Variants in SH3GL3 observed in about 807,000 individuals in gnomAD.
SH3GL3 encodes SH3 domain containing GRB2 like 3, endophilin A3, also known as endophilin-A3.
Under a neutral mutation model 47.7 loss-of-function variants are expected in SH3GL3, and 33 were observed. That is an observed-to-expected ratio of 0.69 (90% CI 0.52 to 0.92). The LOEUF is 0.92. Ranked by LOEUF, SH3GL3 falls within the 40% of genes least tolerant of loss-of-function variation. The pLI, the probability that SH3GL3 is intolerant of heterozygous loss-of-function variation, is 0.00. For missense variants in SH3GL3, 363 were observed against 417.8 expected, an observed-to-expected ratio of 0.87 and a Z score of 1.14; for synonymous variants, 155 against 148.8, an observed-to-expected ratio of 1.04 and a Z score of -0.30.
chr15:83,523,458 C>T (rs1220626979), intron 1 of SH3GL3, among the ~76,000 whole-genome samples: 4 of 152,196 alleles, frequency 2.6e-5, no homozygotes, highest in African/African-American at 9.7e-5. Flanking sequence ...TCCCAGGAAG[C>T]TTCCCAAGAC....
chr15:83,492,314 G>A (rs1236949685), intron 1 of SH3GL3, among the ~76,000 whole-genome samples: 1 of 148,104 alleles, frequency 6.8e-6, no homozygotes, highest in Non-Finnish European at 1.5e-5. Flanking sequence ...GGAAGGTATG[G>A]ACGATAAGGG....
At chr15:83,580,172 C>T (rs2059794675) in intron 6 of SH3GL3, among the ~76,000 whole-genome samples, 1 of 152,202 alleles carries the variant, frequency 6.6e-6, no homozygotes. Flanking sequence ...ACCTTGGTCA[C>T]TCAACCTCTT....
chr15:83,447,773 A>T lies in SH3GL3; in HGVS notation c.45+195A>T, dbSNP rs2039513565. Among the ~76,000 whole-genome samples, 1 of 151,900 alleles carries T rather than the reference A, an allele frequency of 6.6e-6. No homozygotes were observed. The highest frequency in any genetic ancestry group is 2.4e-5 in the African/African-American group (1 of 41,356). ...GGCGTCTTGGCGCCTTCTCCTTCCC[A>T]TTCCCTGGCCCCCGGCTCTGCCCTG... On this transcript the variant is annotated intron_variant, in intron 1 of 8. Coordinates refer to ENST00000427482, the MANE Select transcript of SH3GL3 (RefSeq NM_003027.5). The surrounding 1 kb of genome is among the most constrained non-coding windows in gnomAD (Gnocchi z 5.1).
the SH3GL3 span, among the ~76,000 whole-genome samples, chr15:83,625,395 T>A: frequency 6.6e-6 from 1 of 152,236 alleles, no homozygotes. Context: ...CTGTCCTGCA[T>A]GTAACTTCTA....
At chr15:83,478,425 C>G (rs1326197080) in intron 1 of SH3GL3, among the ~76,000 whole-genome samples, 1 of 152,180 alleles carries the variant, frequency 6.6e-6, no homozygotes, top group Non-Finnish European at 1.5e-5. Flanking sequence ...GGGGAAATGT[C>G]TTTCAGTGCT....
intron 3 of SH3GL3, 65 bp from the exon 4 acceptor site, chr15:83,568,464 A>G (rs988937693): frequency 2.1e-6 from 3 of 1,408,670 alleles, no homozygotes; most frequent in East Asian, 2.3e-5. Flanking sequence ...TGCGTTTATT[A>G]AATTCTATGT....
chr15:83,625,135 T>G, the SH3GL3 span, among the ~76,000 whole-genome samples: 1 of 152,198 alleles, frequency 6.6e-6, no homozygotes, highest in Non-Finnish European at 1.5e-5. Context: ...GGCACACGCC[T>G]GTACTCCCAG....
intron 5 of SH3GL3, among the ~76,000 whole-genome samples, chr15:83,573,053 G>A (rs2059581344): frequency 1.3e-5 from 2 of 152,146 alleles, no homozygotes; most frequent in Admixed American, 6.5e-5. Flanking sequence ...GTTTTGATGC[G>A]TTGCCCTGGT....
chr15:83,450,984 T>G (rs2039746931), intron 1 of SH3GL3, among the ~76,000 whole-genome samples: 2 of 121,538 alleles, frequency 1.6e-5, no homozygotes, highest in Non-Finnish European at 3.3e-5. Context: ...GTCTCCAGAG[T>G]GTGTTATTCC....
At chr15:83,585,708 G>C (rs986157909) in intron 6 of SH3GL3, among the ~76,000 whole-genome samples, 2 of 152,164 alleles carry the variant, frequency 1.3e-5, no homozygotes, top group African/African-American at 4.8e-5. Context: ...GAAATTTAAG[G>C]CTAGGCTTGT....
At chr15:83,549,385 G>A (rs1045374430) in intron 1 of SH3GL3, among the ~76,000 whole-genome samples, 22 of 152,126 alleles carry the variant, frequency 1.4e-4, no homozygotes, top group African/African-American at 4.6e-4. Context: ...TTATTCTGGC[G>A]GATAATGAGG....
chr15:83,597,320 G>A (rs1255992878), intron 8 of SH3GL3, among the ~76,000 whole-genome samples: 1 of 152,076 alleles, frequency 6.6e-6, no homozygotes, highest in East Asian at 1.9e-4. Flanking sequence ...AAGGACCCTT[G>A]TGATTATACT....
At chr15:83,588,503 C>G (rs545434802) in intron 7 of SH3GL3, among the ~76,000 whole-genome samples, 159 bp from the exon 8 acceptor site, 5 of 152,346 alleles carry the variant, frequency 3.3e-5, no homozygotes, top group African/African-American at 1.2e-4. Flanking sequence ...GATATCACCT[C>G]CATCACTTCG....
At chr15:83,560,029 C>T (rs2045182781) in intron 2 of SH3GL3, among the ~76,000 whole-genome samples, 1 of 152,156 alleles carries the variant, frequency 6.6e-6, no homozygotes, top group Non-Finnish European at 1.5e-5. Context: ...CAGGTGGAGG[C>T]AGAACTAGAA....
chr15:83,615,931 A>G (rs2060800215), intron 8 of SH3GL3, among the ~76,000 whole-genome samples: 1 of 152,216 alleles, frequency 6.6e-6, no homozygotes, highest in Non-Finnish European at 1.5e-5. Context: ...GTCTTTATAT[A>G]GGACTGTGGA....
chr15:83,578,435 T>C (rs1393204562), intron 6 of SH3GL3, among the ~76,000 whole-genome samples: 1 of 152,218 alleles, frequency 6.6e-6, no homozygotes, highest in African/African-American at 2.4e-5. Flanking sequence ...TATAACAGTT[T>C]ATTTAAAGGT....
chr15:83,517,621 T>C (rs1404866665), intron 1 of SH3GL3, among the ~76,000 whole-genome samples: 3 of 152,318 alleles, frequency 2.0e-5, no homozygotes, highest in East Asian at 3.9e-4. Flanking sequence ...AACTATTTTG[T>C]CCATTTTTCT....
intron 1 of SH3GL3, among the ~76,000 whole-genome samples, chr15:83,472,057 T>A (rs1237992866): frequency 6.6e-6 from 1 of 152,202 alleles, no homozygotes; most frequent in South Asian, 2.1e-4. Context: ...CTAATTTTTG[T>A]ACTTTTAGTA....
chr15:83,457,315 A>C (rs1425487782), intron 1 of SH3GL3, among the ~76,000 whole-genome samples: 1 of 152,188 alleles, frequency 6.6e-6, no homozygotes, highest in African/African-American at 2.4e-5. Context: ...TGTTAAATTT[A>C]CTTCTTTATG....
Sources: allele counts gnomAD v4.1 joint callset (sites outside exome capture counted in the v4.1 genomes callset), GRCh38; gene constraint gnomAD v4.1.1; non-coding constraint Gnocchi (gnomAD v3.1); transcripts MANE v1.5; gene names NCBI Gene and HGNC (gene_info 2026-07-23, HGNC 2026-07-21).